The following KIF5A variants were observed in gnomAD, a reference collection of about 807,000 sequenced individuals.
KIF5A encodes the protein kinesin heavy chain isoform 5A.
Under a neutral mutation model 141.3 loss-of-function variants are expected in KIF5A, and 35 were observed. That is an observed-to-expected ratio of 0.25 (90% CI 0.19 to 0.33). The LOEUF (loss-of-function observed/expected upper bound fraction) is 0.33. KIF5A is among the 10% of genes least tolerant of loss of function. KIF5A has a pLI of 1.00. For synonymous variants in KIF5A, 448 were observed against 500.2 expected (o/e 0.90, Z 1.39); for missense variants, 861 against 1,314.3 (o/e 0.66, Z 5.33).
chr12:57,581,780 C>T, intron 25 of KIF5A, 90 bp from the exon 26 acceptor site: 1 of 1,341,674 alleles, frequency 7.5e-7, no homozygotes, highest in Non-Finnish European at 1.1e-6. Context: ...GGCTGAGCAG[C>T]TCTATCACTG....
rs1247656371 is a variant in KIF5A at position 57,570,046 on chromosome 12, C to A, written c.1177C>A (p.Leu393Ile). The A allele has an allele frequency of 1.5e-5, 25 of 1,613,880 alleles. No individual in the cohort carries two copies. Among genetic ancestry groups the A allele is most frequent in the Non-Finnish European group, 2.0e-5 (24 of 1,179,860 alleles). Residue 393 changes from leucine (L) to isoleucine (I), a missense_variant, in exon 12 of 29, where the codon CTC becomes ATC. Around this residue, in one of 5 missense-constraint regions of KIF5A, gnomAD observed 167 missense variants for 192.0 expected, o/e 0.87. Coordinates refer to ENST00000455537, the MANE Select transcript of KIF5A (RefSeq NM_004984.4). ...GGAGGAGGCAGCCCTGGGAGCCGAGCTCTGTGAGGAGACCCCTGTGAATGA... is the reference window on the plus strand; with the variant it reads ...GGAGGAGGCAGCCCTGGGAGCCGAGATCTGTGAGGAGACCCCTGTGAATGA... ...AGEEAALGAE[L>I]CEETPVNDNS... is the part of the protein sequence containing the mutation.
chr12:57,550,549 G>C lies in KIF5A; in HGVS notation c.129+149G>C. 1 of 850,208 alleles carries C rather than the reference G, an allele frequency of 1.2e-6. No homozygotes were observed. The allele number at this position is 850,208 out of a possible 1,614,324, so 52.7% of individuals were successfully genotyped here. A position where few individuals can be genotyped will look rare whatever the true frequency, so the allele number is the denominator to read the frequency against. On this transcript the variant is annotated intron_variant, in intron 1 of 28. Coordinates refer to ENST00000455537, the MANE Select transcript of KIF5A (RefSeq NM_004984.4). The surrounding 1 kb of genome is among the most constrained non-coding windows in gnomAD (Gnocchi z 4.6). ...TTCCCCGCAGCCCCTCCTCTCCCCT[G>C]CATCAGGATGGCTGGGTGTGGCCTG...
At chr12:57,582,849 T>C (rs1882648486) in intron 27 of KIF5A, 1 of 636,604 alleles carries the variant, frequency 1.6e-6, no homozygotes, top group Non-Finnish European at 2.8e-6. Flanking sequence ...CTTCTCCCTA[T>C]TCCAGTGATA....
At chr12:57,583,762 C>T (rs1235240595) in intron 28 of KIF5A, among the ~76,000 whole-genome samples, 4 of 152,202 alleles carry the variant, frequency 2.6e-5, no homozygotes, top group African/African-American at 9.7e-5. Flanking sequence ...GCTCCCCTCC[C>T]ATCTTGCTCA....
chr12:57,569,046 C>G lies in KIF5A; in HGVS notation c.798C>G (p.Ile266Met). 1 of 1,613,868 alleles carries G rather than the reference C, an allele frequency of 6.2e-7. No individual in the cohort carries two copies. Among genetic ancestry groups the G allele is most frequent in the Non-Finnish European group, 8.5e-7 (1 of 1,179,838 alleles). The change falls in exon 9 of 29, where the codon ATC (isoleucine) becomes ATG (methionine). Residue 266 changes from isoleucine to methionine, a missense_variant. By Grantham distance (10) the Ile-to-Met change is conservative (BLOSUM62 1). Transcript: ENST00000455537. ...NKSLSALGNV[I>M]SALAEGTKSY... is the part of the protein sequence containing the mutation. ...CACTGTCAGCTCTGGGCAATGTGAT[C>G]TCCGCACTGGCTGAGGGCACTGTGA...
intron 15 of KIF5A, among the ~76,000 whole-genome samples, chr12:57,573,481 T>C (rs538184331): frequency 6.7e-6 from 1 of 150,128 alleles, no homozygotes; most frequent in South Asian, 2.1e-4. Context: ...CAGTGAGACA[T>C]GATTGAGCTA....
At chr12:57,578,203 A>G (rs1421733927) in intron 22 of KIF5A, 35 bp from the exon 23 acceptor site, 1 of 1,599,784 alleles carries the variant, frequency 6.3e-7, no homozygotes, top group South Asian at 1.1e-5. Context: ...GTTTGGCCTC[A>G]GGACAGCCAC....
chr12:57,583,098 C>T lies in KIF5A; in HGVS notation c.3021-3C>T. Reference sequence around the variant, plus strand: ...GCTGATCATGGTGGGTCTCTTCCTCCAGGAGTGACCTGCCGTGTGGCTATG... The same window carrying T: ...GCTGATCATGGTGGGTCTCTTCCTCTAGGAGTGACCTGCCGTGTGGCTATG... On this transcript the variant is annotated splice_polypyrimidine_tract_variant and splice_region_variant and intron_variant, in intron 27 of 28. Transcript: ENST00000455537. The T allele has an allele frequency of 6.2e-7, 1 of 1,612,714 alleles. No individual in the cohort carries two copies. Among genetic ancestry groups the T allele is most frequent in the Non-Finnish European group, 8.5e-7 (1 of 1,178,844 alleles).
intron 12 of KIF5A, among the ~76,000 whole-genome samples, chr12:57,570,587 C>T (rs928528472): frequency 6.6e-6 from 1 of 151,990 alleles, no homozygotes; most frequent in East Asian, 1.9e-4. Flanking sequence ...TTGGTAGAAA[C>T]GGGGTTTCAC....
At chr12:57,564,335 C>A in intron 4 of KIF5A, 123 bp downstream of exon 4, 1 of 1,083,314 alleles carries the variant, frequency 9.2e-7, no homozygotes, top group South Asian at 1.3e-5. Flanking sequence ...AGTTCTTTGT[C>A]AAGATGTTCT....
intron 19 of KIF5A, 144 bp downstream of exon 19, chr12:57,576,522 G>A: frequency 2.7e-6 from 2 of 747,272 alleles, no homozygotes; most frequent in South Asian, 3.0e-5. Flanking sequence ...CCCACCTCAG[G>A]AGACACATGG....
At chr12:57,560,406 G>A (rs898921621) in intron 1 of KIF5A, among the ~76,000 whole-genome samples, 3 of 152,060 alleles carry the variant, frequency 2.0e-5, no homozygotes, top group Admixed American at 2.0e-4. Context: ...TAGATCAATG[G>A]ATATGTAAAA....
intron 1 of KIF5A, among the ~76,000 whole-genome samples, chr12:57,555,371 G>GA (rs904775847): frequency 5.3e-5 from 8 of 150,676 alleles, no homozygotes; most frequent in African/African-American, 1.2e-4. Context: ...GAGCAGTAAT[G>GA]AAAAAAAAAT....
intron 5 of KIF5A, among the ~76,000 whole-genome samples, 188 bp from the exon 6 acceptor site, chr12:57,564,730 G>A (rs534690082): frequency 4.2e-4 from 64 of 152,384 alleles, no homozygotes; most frequent in African/African-American, 1.4e-3. Context: ...ATCTGGGGCC[G>A]AGGAGCAGGA....
chr12:57,562,425 A>T (rs771881245), intron 1 of KIF5A, among the ~76,000 whole-genome samples: 2 of 152,228 alleles, frequency 1.3e-5, no homozygotes, highest in Non-Finnish European at 2.9e-5. Flanking sequence ...CATGTTGGCC[A>T]GGCTGGTCTC....
intron 1 of KIF5A, among the ~76,000 whole-genome samples, chr12:57,561,598 A>T (rs1881910041): frequency 6.6e-6 from 1 of 152,174 alleles, no homozygotes; most frequent in African/African-American, 2.4e-5. Context: ...TTTTAATATT[A>T]AAAAACATTT....
chr12:57,572,435 C>A lies in KIF5A; in HGVS notation c.1570-145C>A. 1 of 1,286,480 alleles carries A rather than the reference C, an allele frequency of 7.8e-7. No homozygotes were observed. The highest frequency in any genetic ancestry group is 1.1e-6 in the Non-Finnish European group (1 of 909,268). The allele number at this position is 1,286,480 out of a possible 1,614,324, so 79.7% of individuals were successfully genotyped here. ...TGTCACTGCACTTTCCCCTCACAGT[C>A]CCTCTGTCTTTCAGACTCTTCTGCA... is the stretch of plus-strand genomic sequence containing the variant. On this transcript the variant is annotated intron_variant, in intron 14 of 28. Transcript: ENST00000455537. This position sits in a 1 kb window ranked among gnomAD's most constrained non-coding sequence, Gnocchi z 4.2.
chr12:57,578,298 T>G lies in KIF5A; in HGVS notation c.2494T>G (p.Phe832Val), dbSNP rs754171273. ...TCACTCCCAAAAGCAGAAGATTTCC[T>G]TTCTTGAGAACAACCTGGAACAGCT... ...GIHSQKQKIS[F>V]LENNLEQLTK... The change falls in exon 23 of 29, where the codon TTT becomes GTT. Residue 832 changes from phenylalanine to valine, a missense_variant. Phe to Val is a conservative substitution (Grantham distance 50). Transcript: ENST00000455537. 1 of 1,614,102 alleles carries G rather than the reference T, an allele frequency of 6.2e-7. No individual in the cohort carries two copies.
chr12:57,560,330 T>G lies in KIF5A; in HGVS notation c.130-3109T>G, dbSNP rs931833950. The stretch of plus-strand genomic sequence containing the variant: ...CAATTTCTCATTATTATAAGCAATG[T>G]GATGATAAACACCCTTGTAGCGAAA... On this transcript the variant is annotated intron_variant, in intron 1 of 28. Coordinates refer to ENST00000455537, the MANE Select transcript of KIF5A (RefSeq NM_004984.4). Among the ~76,000 whole-genome samples the G allele has an allele frequency of 7.2e-5, 11 of 152,260 alleles. No individual in the cohort carries two copies. In the East Asian group the frequency reaches 9.6e-4, roughly 13 times the overall value.
Sources: gnomAD v4.1 joint callset for allele counts (sites outside exome capture counted in the v4.1 genomes callset) on GRCh38, gnomAD v4.1.1 for gene constraint, gnomAD v4.1.1 regional missense constraint, Gnocchi (gnomAD v3.1) non-coding constraint, MANE v1.5 for transcripts, NCBI Gene and HGNC (gene_info 2026-07-23, HGNC 2026-07-21) for gene names.